DMRT1: variants seen among roughly 807,000 people sequenced by gnomAD.
DMRT1 encodes the protein doublesex- and mab-3-related transcription factor 1.
A neutral mutation model predicts 32.3 loss-of-function variants in DMRT1; 7 were observed. The observed-to-expected ratio is 0.22, with a 90% CI of 0.12 to 0.41. DMRT1 has a LOEUF of 0.41. Among genes scored for constraint, DMRT1 ranks in the 10% least tolerant of loss-of-function variants. The pLI is 1.00. For synonymous variants in DMRT1, 278 were observed against 206.1 expected (o/e 1.35, Z -2.99); for missense variants, 625 against 500.5 (o/e 1.25, Z -2.37).
At chr9:895,795 C>G (rs1016204874) in intron 3 of DMRT1, among the ~76,000 whole-genome samples, 13 of 149,102 alleles carry the variant, frequency 8.7e-5, no homozygotes, top group African/African-American at 3.2e-4. Context: ...CATCTTATAA[C>G]TGAAACTTTT....
rs1048459231 is a variant in DMRT1 at position 965,763 on chromosome 9, G to A, written c.968-2222G>A. ...AGGGATTGGGAAGGTTCAGCTGCCAGTTCTGAAATGTGGGGCCCAGGAGAA... is the reference window on the plus strand; with the variant it reads ...AGGGATTGGGAAGGTTCAGCTGCCAATTCTGAAATGTGGGGCCCAGGAGAA... On this transcript the variant is annotated intron_variant, in intron 4 of 4. Coordinates refer to ENST00000382276, the MANE Select transcript of DMRT1 (RefSeq NM_021951.3). The surrounding 1 kb of genome is among the most constrained non-coding windows in gnomAD (Gnocchi z 4.5). Among the ~76,000 whole-genome samples the A allele has an allele frequency of 2.0e-5, 3 of 152,316 alleles. No individual in the cohort carries two copies. Among genetic ancestry groups the A allele is most frequent in the South Asian group, 2.1e-4 (1 of 4,826 alleles).
chr9:963,255 C>T (rs948052523), intron 4 of DMRT1, among the ~76,000 whole-genome samples: 8 of 152,090 alleles, frequency 5.3e-5, no homozygotes, highest in Admixed American at 2.0e-4. Flanking sequence ...CTCTACAATA[C>T]GCAAAGTGCA....
intron 3 of DMRT1, among the ~76,000 whole-genome samples, chr9:903,125 T>C (rs1817650820): frequency 6.6e-6 from 1 of 152,218 alleles, no homozygotes; most frequent in Non-Finnish European, 1.5e-5. Context: ...TGCAACATAA[T>C]TCCTCATTAG....
intron 3 of DMRT1, among the ~76,000 whole-genome samples, chr9:903,569 C>G (rs1023939885): frequency 2.0e-5 from 3 of 152,204 alleles, no homozygotes; most frequent in African/African-American, 7.2e-5. Flanking sequence ...TTCCCAGTGG[C>G]TCTTTGTCTG....
At chr9:892,492 C>T (rs559286713) in intron 2 of DMRT1, among the ~76,000 whole-genome samples, 7 of 152,254 alleles carry the variant, frequency 4.6e-5, no homozygotes, top group South Asian at 2.1e-4. Flanking sequence ...TCCTGGCAGC[C>T]CCTCAGCCCT....
chr9:902,177 T>A (rs1015117372), intron 3 of DMRT1, among the ~76,000 whole-genome samples: 5 of 152,044 alleles, frequency 3.3e-5, no homozygotes, highest in African/African-American at 1.2e-4. Flanking sequence ...CCCAAAGTGC[T>A]GGGATTACAG....
At chr9:886,541 C>T (rs1385782703) in intron 2 of DMRT1, among the ~76,000 whole-genome samples, 4 of 152,134 alleles carry the variant, frequency 2.6e-5, no homozygotes, top group Non-Finnish European at 5.9e-5. Flanking sequence ...CACGCGTGAG[C>T]CACCGTGTAC....
chr9:946,477 GCT>G (rs1293398098), intron 4 of DMRT1, among the ~76,000 whole-genome samples: 2 of 152,032 alleles, frequency 1.3e-5, no homozygotes, highest in African/African-American at 2.4e-5. Flanking sequence ...ATCCACCGTG[GCT>G]CTCTCCTCCC....
At position 931,039 on chromosome 9, in the gene DMRT1, G is replaced by A. The variant is rs1360280897; in HGVS notation, c.967+14132G>A. Among the ~76,000 whole-genome samples, 10 of 152,016 alleles carry A rather than the reference G, an allele frequency of 6.6e-5. No individual in the cohort carries two copies. In the East Asian group the frequency reaches 1.7e-3, roughly 26 times the overall value. The stretch of plus-strand genomic sequence containing the variant: ...CATTTCTGCCTCCCTCCCAGCCCCT[G>A]CCAAAATACTAGTTTACTTTCTGTC... On this transcript the variant is annotated intron_variant, in intron 4 of 4. Coordinates refer to ENST00000382276, the MANE Select transcript of DMRT1 (RefSeq NM_021951.3).
chr9:848,183 G>A (rs990060414), intron 2 of DMRT1, among the ~76,000 whole-genome samples: 8 of 152,126 alleles, frequency 5.3e-5, no homozygotes, highest in African/African-American at 1.9e-4. Flanking sequence ...CATTTGCTGG[G>A]CTTAAGCACT....
At chr9:891,233 G>C (rs1299399864) in intron 2 of DMRT1, among the ~76,000 whole-genome samples, 2 of 150,134 alleles carry the variant, frequency 1.3e-5, no homozygotes, top group Non-Finnish European at 3.0e-5. Flanking sequence ...GATTGCTTGA[G>C]CTCAGGAGTT....
At chr9:852,121 G>T (rs1292513782) in intron 2 of DMRT1, among the ~76,000 whole-genome samples, 1 of 151,830 alleles carries the variant, frequency 6.6e-6, no homozygotes, top group Non-Finnish European at 1.5e-5. Context: ...TATTTTAGTA[G>T]AGATGGGGTT....
At chr9:901,690 T>A (rs1817582762) in intron 3 of DMRT1, among the ~76,000 whole-genome samples, 1 of 151,420 alleles carries the variant, frequency 6.6e-6, no homozygotes, top group Admixed American at 6.6e-5. Context: ...GCCACTGAGC[T>A]CCACGGTCAG....
At chr9:922,418 A>G (rs1158811679) in intron 4 of DMRT1, among the ~76,000 whole-genome samples, 1 of 152,086 alleles carries the variant, frequency 6.6e-6, no homozygotes, top group Non-Finnish European at 1.5e-5. Flanking sequence ...CAGCTTTGAA[A>G]TGATGCTTCC....
At position 867,465 on chromosome 9, in the gene DMRT1, G is replaced by A. The variant is rs960273474; in HGVS notation, c.538+20322G>A. On this transcript the variant is annotated intron_variant, in intron 2 of 4. Transcript: ENST00000382276. ...TAGGTGGTAGTAATAATTATAACCCGAGTAGCTCTCATTTACCGAGTGTCT... is the reference window on the plus strand; with the variant it reads ...TAGGTGGTAGTAATAATTATAACCCAAGTAGCTCTCATTTACCGAGTGTCT... Among the ~76,000 whole-genome samples, 12 of 152,184 alleles carry A rather than the reference G, an allele frequency of 7.9e-5. 1 individual carries two copies. The highest frequency in any genetic ancestry group is 1.8e-4 in the Non-Finnish European group (12 of 68,042).
In DMRT1 at chr9:841,804, G is replaced by A; in HGVS notation, c.-35G>A. ...TCGCAGCAGTCTCCAGGCGAGAGAGGGGGCCAGAGTGCTCGCACTTCTCCT... is the reference window on the plus strand; with the variant it reads ...TCGCAGCAGTCTCCAGGCGAGAGAGAGGGCCAGAGTGCTCGCACTTCTCCT... On this transcript the variant is annotated 5_prime_UTR_variant, in exon 1 of 5. Coordinates refer to ENST00000382276, the MANE Select transcript of DMRT1 (RefSeq NM_021951.3). 1 of 1,584,948 alleles carries A rather than the reference G, an allele frequency of 6.3e-7. No individual in the cohort carries two copies. Among genetic ancestry groups the A allele is most frequent in the Non-Finnish European group, 8.6e-7 (1 of 1,166,096 alleles).
At chr9:865,481 G>A (rs957288303) in intron 2 of DMRT1, among the ~76,000 whole-genome samples, 1 of 151,766 alleles carries the variant, frequency 6.6e-6, no homozygotes, top group Non-Finnish European at 1.5e-5. Flanking sequence ...GAAATATAAG[G>A]TATTTATGAA....
At chr9:939,725 A>G (rs1819000078) in intron 4 of DMRT1, among the ~76,000 whole-genome samples, 1 of 152,228 alleles carries the variant, frequency 6.6e-6, no homozygotes, top group African/African-American at 2.4e-5. Flanking sequence ...CAAATAATGT[A>G]GGAGTGTACA....
chr9:894,791 G>GT (rs1231759673), intron 3 of DMRT1: 4,141 of 146,736 alleles, frequency 0.028, 71 homozygotes, highest in East Asian at 0.081. Flanking sequence ...CTCCAAGTTT[G>GT]TTTTTTTTTT....
Sources: allele counts gnomAD v4.1 joint callset (sites outside exome capture counted in the v4.1 genomes callset), GRCh38; gene constraint gnomAD v4.1.1; non-coding constraint Gnocchi (gnomAD v3.1); transcripts MANE v1.5; gene names NCBI Gene and HGNC (gene_info 2026-07-23, HGNC 2026-07-21).